Variants in FRY observed in about 807,000 individuals in gnomAD.
The protein encoded by FRY is protein furry homolog.
Under a neutral mutation model 348.4 loss-of-function variants are expected in FRY, and 128 were observed. The observed-to-expected ratio is 0.37, with a 90% CI of 0.32 to 0.43. The LOEUF (loss-of-function observed/expected upper bound fraction) is 0.43, where lower values mean the gene tolerates loss of function less well. Ranked by LOEUF, FRY falls within the 20% of genes least tolerant of loss-of-function variation. The pLI, the probability that FRY is intolerant of heterozygous loss-of-function variation, is 1.00. For synonymous variants in FRY, 1,370 were observed against 1,374.7 expected (o/e 1.00, Z 0.08); for missense variants, 2,736 against 3,695.2 (o/e 0.74, Z 6.73).
intron 7 of FRY, among the ~76,000 whole-genome samples, chr13:32,130,363 G>T (rs1198805289): frequency 6.6e-6 from 1 of 151,688 alleles, no homozygotes; most frequent in African/African-American, 2.4e-5. Flanking sequence ...TTTAATCAAG[G>T]CTTGCTTCTA....
chr13:32,261,938 G>C (rs2138544971), intron 52 of FRY, 122 bp downstream of exon 52: 1 of 885,702 alleles, frequency 1.1e-6, no homozygotes, highest in East Asian at 2.6e-5. Context: ...AATCGGAACT[G>C]TCAGGTGGTG....
intron 1 of FRY, among the ~76,000 whole-genome samples, chr13:32,063,370 G>T (rs1283537940): frequency 6.6e-6 from 1 of 152,094 alleles, no homozygotes; most frequent in Non-Finnish European, 1.5e-5. Flanking sequence ...CTGGTTTGTC[G>T]TTTCTGGCAG....
At chr13:32,289,765 C>A (rs772739929) in intron 59 of FRY, 22 bp downstream of exon 59, 5 of 1,222,564 alleles carry the variant, frequency 4.1e-6, no homozygotes, top group South Asian at 3.6e-5. Context: ...CGCTTCCCAA[C>A]CCCACGTCCC....
chr13:32,263,528 GA>G (rs1475241720), intron 53 of FRY, among the ~76,000 whole-genome samples: 10 of 150,842 alleles, frequency 6.6e-5, no homozygotes, highest in Admixed American at 2.0e-4. Context: ...TTAGCCAAAA[GA>G]AAAAAACAAA....
chr13:32,140,084 T>TA (rs145494759), intron 11 of FRY, among the ~76,000 whole-genome samples: 6,316 of 143,650 alleles, frequency 0.044, 169 homozygotes, highest in Middle Eastern at 0.13. Flanking sequence ...CCCAGATTAT[T>TA]AAAAAAAAAA....
At chr13:32,225,703 C>T (rs1885543004) in intron 38 of FRY, 86 bp from the exon 39 acceptor site, 1 of 1,023,160 alleles carries the variant, frequency 9.8e-7, no homozygotes, top group East Asian at 2.4e-5. Flanking sequence ...ACATGTTCCT[C>T]CTGAGTATCC....
chr13:32,201,819 G>A (rs1484261321), intron 29 of FRY, 122 bp from the exon 30 acceptor site: 1 of 712,378 alleles, frequency 1.4e-6, no homozygotes, highest in Non-Finnish European at 2.6e-6. Context: ...GCCAGACGGG[G>A]GTAAGAATGT....
chr13:32,133,764 C>CTTTTTTTTTTTTTTTTTTTTTTTTT lies in FRY; in HGVS notation c.886-1137_886-1136insTTTTTTTTTTTTTTTTTTTTTTTTT, dbSNP rs1259372646. On this transcript the variant is annotated intron_variant, in intron 8 of 60. Coordinates refer to ENST00000542859, the MANE Select transcript of FRY (RefSeq NM_023037.3). ...GACTCTTTCTTTTCTTTCTTTCTTTCTTTCTTTTTTTTTTTTTTTTTTTTT... is the reference window on the plus strand; with the variant it reads ...GACTCTTTCTTTTCTTTCTTTCTTTCTTTTTTTTTTTTTTTTTTTTTTTTTTTTCTTTTTTTTTTTTTTTTTTTTT... 1.1e-4 allele frequency among the ~76,000 whole-genome samples: 12 copies of CTTTTTTTTTTTTTTTTTTTTTTTTT among 108,480 alleles called. 1 individual carries two copies. The highest frequency in any genetic ancestry group is 2.4e-4 in the Non-Finnish European group (12 of 50,726). 71.2% of individuals were successfully genotyped at this position (108,480 alleles called of 152,430 possible).
In FRY at chr13:32,210,857, C is replaced by T. The variant is rs775906822; in HGVS notation, c.4423-9C>T. ...TGAAACATCCCTTGTTTTCTTTTTT[C>T]CTTCTCAGATTAAAAAAGTGGCAAT... On this transcript the variant is annotated splice_polypyrimidine_tract_variant and intron_variant, in intron 33 of 60. Transcript: ENST00000542859. 4 of 1,612,336 alleles carry T rather than the reference C, an allele frequency of 2.5e-6. No individual in the cohort carries two copies. The Admixed American group carries it at 5.0e-5, about 20-fold the overall frequency.
chr13:32,174,530 A>G (rs1267224141), intron 19 of FRY, among the ~76,000 whole-genome samples: 1 of 152,204 alleles, frequency 6.6e-6, no homozygotes, highest in East Asian at 1.9e-4. Flanking sequence ...TGGTTTGGTT[A>G]TTATCCCATT....
At chr13:32,136,039 T>TAAAAAA (rs138896602) in intron 10 of FRY, among the ~76,000 whole-genome samples, 70 of 151,150 alleles carry the variant, frequency 4.6e-4, no homozygotes, top group African/African-American at 1.6e-3. Flanking sequence ...TAAGTTAATT[T>TAAAAAA]AAAAAAAAAC....
In FRY at chr13:32,224,928, A is replaced by AT. The variant is rs752443017; in HGVS notation, c.4917-3dup. 1 of 1,536,516 alleles carries AT rather than the reference A, an allele frequency of 6.5e-7. No individual in the cohort carries two copies. The highest frequency in any genetic ancestry group is 9.0e-7 in the Non-Finnish European group (1 of 1,109,128). ...TTGCATTAATTTCATTATTTCATTG[A>AT]TTAGGTGCAATATTGCTGTAATTTT... On this transcript the variant is annotated splice_polypyrimidine_tract_variant and splice_region_variant and intron_variant, in intron 37 of 60. Transcript: ENST00000542859.
intron 1 of FRY, among the ~76,000 whole-genome samples, chr13:32,032,565 A>G (rs1872294682): frequency 6.6e-6 from 1 of 152,226 alleles, no homozygotes; most frequent in Non-Finnish European, 1.5e-5. Context: ...GGATAGCAGA[A>G]TATGATGGCT....
At chr13:32,044,293 G>T (rs780484798) in intron 1 of FRY, among the ~76,000 whole-genome samples, 8 of 152,006 alleles carry the variant, frequency 5.3e-5, no homozygotes, top group African/African-American at 1.2e-4. Context: ...TAATCTTATT[G>T]TTCAGATTTA....
rs200323538 is a variant in FRY, at chr13:32,082,659, C to T, written c.270+3626C>T. Among the ~76,000 whole-genome samples the T allele has an allele frequency of 2.0e-5, 3 of 152,158 alleles. No homozygotes were observed. The East Asian group carries it at 5.8e-4, about 29-fold the overall frequency. ...AAGAATCAGTGGGTGGTAAATTACT[C>T]AGTCTTGTTCATCTGAATGTCTTTA... On this transcript the variant is annotated intron_variant, in intron 2 of 60. Coordinates refer to ENST00000542859, the MANE Select transcript of FRY (RefSeq NM_023037.3).
intron 1 of FRY, among the ~76,000 whole-genome samples, chr13:32,042,520 C>T (rs996180527): frequency 4.1e-5 from 5 of 123,422 alleles, no homozygotes; most frequent in Non-Finnish European, 6.5e-5. Flanking sequence ...AATTAGCTTG[C>T]CCAACCCACA....
chr13:32,291,045 G>A (rs940139238), intron 59 of FRY, among the ~76,000 whole-genome samples: 2 of 152,024 alleles, frequency 1.3e-5, no homozygotes, highest in African/African-American at 4.8e-5. Context: ...TTAGACGTGA[G>A]GTCAGGGGAG....
intron 10 of FRY, 121 bp from the exon 11 acceptor site, chr13:32,136,750 G>C: frequency 1.3e-6 from 1 of 756,942 alleles, no homozygotes; most frequent in South Asian, 1.4e-5. Context: ...GCTACACAGT[G>C]TCCTGTTTCT....
At chr13:32,049,955 T>C (rs1463189484) in intron 1 of FRY, among the ~76,000 whole-genome samples, 2 of 152,242 alleles carry the variant, frequency 1.3e-5, no homozygotes, top group Non-Finnish European at 2.9e-5. Flanking sequence ...GACAATATGC[T>C]CTTTAAATAG....
Sources: allele counts gnomAD v4.1 joint callset (sites outside exome capture counted in the v4.1 genomes callset), GRCh38; gene constraint gnomAD v4.1.1; transcripts MANE v1.5; gene names NCBI Gene and HGNC (gene_info 2026-07-23, HGNC 2026-07-21).